Variants in PCDH15 observed in about 807,000 individuals in gnomAD.
PCDH15 encodes protocadherin related 15.
In PCDH15, 129 loss-of-function variants were observed where a neutral mutation model predicts 178.5. The observed-to-expected ratio is 0.72, with a 90% CI of 0.63 to 0.84. The LOEUF (loss-of-function observed/expected upper bound fraction) is 0.84. PCDH15 is among the 40% of genes least tolerant of loss of function. PCDH15 has a pLI of 0.00. For synonymous variants in PCDH15, 800 were observed against 732.0 expected, an observed-to-expected ratio of 1.09 and a Z score of -1.50; for missense variants, 2,230 against 2,099.9, an observed-to-expected ratio of 1.06 and a Z score of -1.21.
At chr10:55,336,496 C>G (rs1336039066) in intron 2 of PCDH15, among the ~76,000 whole-genome samples, 1 of 152,054 alleles carries the variant, frequency 6.6e-6, no homozygotes, top group Non-Finnish European at 1.5e-5. Flanking sequence ...GACTCTGTGT[C>G]AAAATAAATA....
chr10:55,253,043 T>G (rs1212593455), intron 1 of PCDH15, among the ~76,000 whole-genome samples: 2 of 152,060 alleles, frequency 1.3e-5, no homozygotes, highest in Non-Finnish European at 2.9e-5. Context: ...AAGGCAAAAT[T>G]TAAGTATAAA....
At chr10:54,148,898 A>C (rs1228844924) in intron 14 of PCDH15, among the ~76,000 whole-genome samples, 1 of 151,830 alleles carries the variant, frequency 6.6e-6, no homozygotes, top group Non-Finnish European at 1.5e-5. Flanking sequence ...TTCTCACTTG[A>C]CTTTCTAATT....
intron 2 of PCDH15, chr10:54,528,403 C>A: frequency 6.3e-7 from 1 of 1,575,206 alleles, no homozygotes; most frequent in African/African-American, 1.4e-5. Context: ...TATTGCCAGT[C>A]TGGAGTCAAA....
At chr10:54,872,700 A>G (rs972171200) in intron 3 of PCDH15, among the ~76,000 whole-genome samples, 1 of 152,096 alleles carries the variant, frequency 6.6e-6, no homozygotes, top group Non-Finnish European at 1.5e-5. Flanking sequence ...ATCATGCTCG[A>G]TATACTTAGA....
chr10:54,002,943 T>G (rs1339951089), intron 20 of PCDH15, among the ~76,000 whole-genome samples: 4 of 152,162 alleles, frequency 2.6e-5, no homozygotes, highest in Non-Finnish European at 5.9e-5. Flanking sequence ...TCCCTTTCGC[T>G]TTGTTCAATA....
chr10:54,513,363 T>A (rs995799716), intron 3 of PCDH15, among the ~76,000 whole-genome samples: 1 of 151,750 alleles, frequency 6.6e-6, no homozygotes, highest in African/African-American at 2.4e-5. Flanking sequence ...TGGGTTTAAG[T>A]GATTCTCATG....
intron 8 of PCDH15, among the ~76,000 whole-genome samples, chr10:54,301,052 C>A (rs910168863): frequency 6.6e-6 from 1 of 152,088 alleles, no homozygotes; most frequent in Non-Finnish European, 1.5e-5. Context: ...GTCAGCGAGA[C>A]CACGAACCCA....
intron 2 of PCDH15, among the ~76,000 whole-genome samples, chr10:55,466,884 A>G (rs1410719812): frequency 5.3e-5 from 8 of 152,178 alleles, no homozygotes; most frequent in African/African-American, 1.2e-4. Context: ...ACACCTATTT[A>G]TATCTGCCAA....
chr10:54,244,073 T>C (rs2055680808), intron 8 of PCDH15, among the ~76,000 whole-genome samples: 1 of 152,216 alleles, frequency 6.6e-6, no homozygotes, highest in South Asian at 2.1e-4. Flanking sequence ...GCCTGATCAC[T>C]GGAATTTCGT....
intron 2 of PCDH15, among the ~76,000 whole-genome samples, chr10:55,445,450 A>T (rs1839294403): frequency 6.6e-6 from 1 of 152,126 alleles, no homozygotes; most frequent in Non-Finnish European, 1.5e-5. Context: ...AAGCTACTCA[A>T]CCTTTCTGAG....
At chr10:54,489,900 A>G (rs1029166505) in intron 3 of PCDH15, among the ~76,000 whole-genome samples, 1 of 152,116 alleles carries the variant, frequency 6.6e-6, no homozygotes, top group African/African-American at 2.4e-5. Context: ...TTCAATTTCA[A>G]ATGAGGAAAA....
At chr10:54,927,560 TGA>T (rs145110808) in intron 2 of PCDH15, among the ~76,000 whole-genome samples, 37,205 of 151,918 alleles carry the variant, frequency 0.24, 5,330 homozygotes, top group Non-Finnish European at 0.33. Flanking sequence ...TATTATTGTG[TGA>T]GAGTCTAAGT....
At position 54,722,969 on chromosome 10, in the gene PCDH15, A is replaced by G. The variant is rs544773567; in HGVS notation, c.-28-58679T>C. ...AACATCATTAAAGTAAACATACTGCACAAATCAATCTACAGATTCAATGCA... is the reference window on the plus strand; with the variant it reads ...AACATCATTAAAGTAAACATACTGCGCAAATCAATCTACAGATTCAATGCA... On this transcript the variant is annotated intron_variant, in intron 1 of 37. Transcript: ENST00000644397. Among the ~76,000 whole-genome samples, 4 of 151,736 alleles carry G rather than the reference A, an allele frequency of 2.6e-5. No individual in the cohort carries two copies. In the East Asian group the frequency reaches 7.7e-4, roughly 29 times the overall value.
At chr10:55,593,034 A>G (rs1451798008) in intron 2 of PCDH15, among the ~76,000 whole-genome samples, 1 of 152,024 alleles carries the variant, frequency 6.6e-6, no homozygotes, top group Non-Finnish European at 1.5e-5. Flanking sequence ...AGAAATATTC[A>G]TTGTAACCTT....
At chr10:54,063,789 C>T (rs759835169) in intron 18 of PCDH15, among the ~76,000 whole-genome samples, 1 of 152,288 alleles carries the variant, frequency 6.6e-6, no homozygotes, top group Admixed American at 6.5e-5. Context: ...CGCACGCTAG[C>T]TGCTTTGGCG....
chr10:55,403,232 C>T (rs1838116186), intron 2 of PCDH15, among the ~76,000 whole-genome samples: 1 of 150,990 alleles, frequency 6.6e-6, no homozygotes, highest in Non-Finnish European at 1.5e-5. Context: ...TATTTTTTTG[C>T]TGGTGAGTTG....
intron 2 of PCDH15, among the ~76,000 whole-genome samples, chr10:55,397,358 C>A (rs2132020807): frequency 6.6e-6 from 1 of 152,190 alleles, no homozygotes; most frequent in Middle Eastern, 3.4e-3. Flanking sequence ...CTTAACACGT[C>A]ATTATTCTCT....
At chr10:54,196,527 G>A (rs1253126126) in intron 10 of PCDH15, among the ~76,000 whole-genome samples, 1 of 152,134 alleles carries the variant, frequency 6.6e-6, no homozygotes, top group African/African-American at 2.4e-5. Flanking sequence ...GGAGATACTT[G>A]AGTGTACCGC....
At chr10:55,493,096 A>C (rs546412766) in intron 2 of PCDH15, among the ~76,000 whole-genome samples, 1 of 151,856 alleles carries the variant, frequency 6.6e-6, no homozygotes. Context: ...ATATGAGTAT[A>C]ACTAGAGGAG....
Sources: allele counts gnomAD v4.1 joint callset (sites outside exome capture counted in the v4.1 genomes callset), GRCh38; gene constraint gnomAD v4.1.1; transcripts MANE v1.5; gene names NCBI Gene and HGNC (gene_info 2026-07-23, HGNC 2026-07-21).